THSD7B: variants seen among roughly 807,000 people sequenced by gnomAD.
The protein encoded by THSD7B is thrombospondin type 1 domain containing 7B, also known as thrombospondin type-1 domain-containing protein 7B.
Under a neutral mutation model 213.6 loss-of-function variants are expected in THSD7B, and 138 were observed. The ratio of observed to expected loss-of-function variants is 0.65; its 90% CI spans 0.56 to 0.74. The LOEUF (loss-of-function observed/expected upper bound fraction) is 0.74, where lower values mean the gene tolerates loss of function less well. Among genes scored for constraint, THSD7B ranks in the 30% least tolerant of loss-of-function variants. The probability of loss-of-function intolerance (pLI) is 0.00; values close to 1 mark genes in which losing one functional copy is unlikely to be tolerated. For synonymous variants in THSD7B, 742 were observed against 687.0 expected, an observed-to-expected ratio of 1.08 and a Z score of -1.25; for missense variants, 1,931 against 1,991.5, an observed-to-expected ratio of 0.97 and a Z score of 0.58.
chr2:137,515,040 G>A (rs895394920), intron 15 of THSD7B, among the ~76,000 whole-genome samples: 1 of 152,132 alleles, frequency 6.6e-6, no homozygotes, highest in African/African-American at 2.4e-5. Flanking sequence ...CTGAAATTTT[G>A]GAACACCAGA....
In THSD7B at chr2:136,766,676, T is replaced by C. The variant is rs1000972623; in HGVS notation, c.-36+989T>C. ...TGGTACTTTTTTCTTTTGGAATGTC[T>C]GAGCTCAGAGCTTCCCATAAGAGGT... On this transcript the variant is annotated intron_variant, in intron 1 of 27. Coordinates refer to ENST00000409968, the MANE Select transcript of THSD7B (RefSeq NM_001316349.2). Among the ~76,000 whole-genome samples, 6 of 152,216 alleles carry C rather than the reference T, an allele frequency of 3.9e-5. No homozygotes were observed. In the East Asian group the frequency reaches 1.2e-3, roughly 29 times the overall value.
chr2:137,313,336 C>CT (rs1417311919), intron 12 of THSD7B, among the ~76,000 whole-genome samples: 5 of 151,834 alleles, frequency 3.3e-5, no homozygotes, highest in Admixed American at 6.6e-5. Flanking sequence ...CAACCCCTGC[C>CT]TTTTTTTGTT....
chr2:137,673,235 A>G (rs1470947300), intron 27 of THSD7B, among the ~76,000 whole-genome samples: 3 of 150,744 alleles, frequency 2.0e-5, no homozygotes, highest in Non-Finnish European at 3.0e-5. Context: ...GTCCTTTGCT[A>G]AAATGCAAAT....
chr2:137,389,701 G>T (rs1482122052), intron 12 of THSD7B, among the ~76,000 whole-genome samples: 1 of 151,050 alleles, frequency 6.6e-6, no homozygotes, highest in Non-Finnish European at 1.5e-5. Context: ...TTATACTTTT[G>T]CATCTTATGC....
At chr2:137,240,952 C>G (rs1413170969) in intron 9 of THSD7B, among the ~76,000 whole-genome samples, 2 of 152,122 alleles carry the variant, frequency 1.3e-5, no homozygotes, top group Non-Finnish European at 2.9e-5. Context: ...TCAATTTTCT[C>G]TTTTCCATTT....
At chr2:137,095,821 G>A (rs542004745) in intron 4 of THSD7B, among the ~76,000 whole-genome samples, 17 of 152,118 alleles carry the variant, frequency 1.1e-4, no homozygotes, top group South Asian at 1.0e-3. Flanking sequence ...TCAGCCTCTC[G>A]AGTAGCTGGG....
At chr2:137,404,308 A>C (rs1313886756) in intron 12 of THSD7B, among the ~76,000 whole-genome samples, 1 of 151,260 alleles carries the variant, frequency 6.6e-6, no homozygotes. Flanking sequence ...CCAGAGGAAA[A>C]GAAGTCATTA....
intron 1 of THSD7B, among the ~76,000 whole-genome samples, chr2:136,860,975 C>T (rs35893283): frequency 0.14 from 21,051 of 152,294 alleles, 2,171 homozygotes; most frequent in Non-Finnish European, 0.22. Flanking sequence ...TTGCCTAGAA[C>T]GCTGTTTCGC....
chr2:137,018,916 G>GT (rs35090633), intron 2 of THSD7B, among the ~76,000 whole-genome samples: 210 of 152,140 alleles, frequency 1.4e-3, no homozygotes, highest in African/African-American at 4.8e-3. Context: ...CAAATTTACT[G>GT]TTTTGTTTGT....
At chr2:137,022,803 GC>G (rs1185781035) in intron 2 of THSD7B, among the ~76,000 whole-genome samples, 1 of 152,086 alleles carries the variant, frequency 6.6e-6, no homozygotes, top group Non-Finnish European at 1.5e-5. Context: ...TCTGTGGAAG[GC>G]CAGCAGCTAG....
intron 4 of THSD7B, among the ~76,000 whole-genome samples, chr2:137,109,337 C>A (rs187232471): frequency 6.6e-6 from 1 of 152,208 alleles, no homozygotes; most frequent in Non-Finnish European, 1.5e-5. Context: ...AGTGTTCAAG[C>A]TTTCTGGTAC....
Position 137,551,943 on chromosome 2 carries a change from T to C in THSD7B, c.3139-11278T>C, listed in dbSNP as rs376409510. Among the ~76,000 whole-genome samples, 6 of 152,242 alleles carry C rather than the reference T, an allele frequency of 3.9e-5. No individual in the cohort carries two copies. The East Asian group carries it at 5.8e-4, about 15-fold the overall frequency. On this transcript the variant is annotated intron_variant, in intron 15 of 27. Transcript: ENST00000409968. ...TGGACCTAGGATCTCCAGAGATACC[T>C]GACTCCCAGTGCTACCCTCTTGAGA...
In THSD7B at chr2:137,262,593, A is replaced by C. The variant is rs565590300; in HGVS notation, c.2267-9940A>C. 5.9e-5 allele frequency among the ~76,000 whole-genome samples: 9 copies of C among 152,310 alleles called. No individual in the cohort carries two copies. In the South Asian group the frequency reaches 1.9e-3, roughly 32 times the overall value. On this transcript the variant is annotated intron_variant, in intron 10 of 27. Coordinates refer to ENST00000409968, the MANE Select transcript of THSD7B (RefSeq NM_001316349.2). ...CTGCACAATTCCAATCATACCCTTT[A>C]TGATAGACTTAGCTAGAGGGCAGGT...
intron 1 of THSD7B, among the ~76,000 whole-genome samples, chr2:136,829,502 G>A (rs1682715055): frequency 6.6e-6 from 1 of 152,136 alleles, no homozygotes; most frequent in African/African-American, 2.4e-5. Context: ...AGAAACTCTT[G>A]CACTGCATGG....
chr2:137,043,431 C>T (rs1008932988), intron 2 of THSD7B, among the ~76,000 whole-genome samples: 1 of 152,076 alleles, frequency 6.6e-6, no homozygotes, highest in Admixed American at 6.5e-5. Flanking sequence ...TTCTCAGTGA[C>T]CTCGGCCTGC....
chr2:137,485,737 G>A (rs574580026), intron 15 of THSD7B, among the ~76,000 whole-genome samples: 11 of 152,288 alleles, frequency 7.2e-5, no homozygotes, highest in South Asian at 6.2e-4. Context: ...GTTAAGGGCA[G>A]CCAGGGAGAA....
chr2:136,827,299 G>A (rs1049949469), intron 1 of THSD7B, among the ~76,000 whole-genome samples: 1 of 152,138 alleles, frequency 6.6e-6, no homozygotes, highest in African/African-American at 2.4e-5. Flanking sequence ...TGGTATTCTG[G>A]TGTCCAGACC....
chr2:136,988,417 C>T (rs1189607422), intron 2 of THSD7B, among the ~76,000 whole-genome samples: 4 of 152,216 alleles, frequency 2.6e-5, no homozygotes, highest in African/African-American at 9.6e-5. Context: ...CCTTCCAAAT[C>T]TGCCAGAGAG....
intron 5 of THSD7B, among the ~76,000 whole-genome samples, chr2:137,124,100 A>G (rs550614667): frequency 6.6e-6 from 1 of 152,298 alleles, no homozygotes; most frequent in South Asian, 2.1e-4. Flanking sequence ...TGAACAGTTA[A>G]GTTCTTTTTC....
Sources: gnomAD v4.1 joint callset for allele counts (sites outside exome capture counted in the v4.1 genomes callset) on GRCh38, gnomAD v4.1.1 for gene constraint, MANE v1.5 for transcripts, NCBI Gene and HGNC (gene_info 2026-07-23, HGNC 2026-07-21) for gene names.